RPS6KA2: variants seen among roughly 807,000 people sequenced by gnomAD.
RPS6KA2 encodes ribosomal protein S6 kinase alpha-2.
RPS6KA2 carries 42 observed loss-of-function variants against 91.8 expected under a neutral mutation model. The observed-to-expected ratio is 0.46, with a 90% CI of 0.36 to 0.59. The LOEUF is 0.59. Ranked by LOEUF, RPS6KA2 falls within the 20% of genes least tolerant of loss-of-function variation. The pLI, the probability that RPS6KA2 is intolerant of heterozygous loss-of-function variation, is 0.00. For missense variants in RPS6KA2, 798 were observed against 978.5 expected (o/e 0.82, Z 2.46); for synonymous variants, 414 against 393.6 (o/e 1.05, Z -0.61).
chr6:166,516,882 A>T (rs1297220039), intron 3 of RPS6KA2, among the ~76,000 whole-genome samples: 1 of 152,200 alleles, frequency 6.6e-6, no homozygotes. Flanking sequence ...CCATCTTGCC[A>T]TCTCCTTGCA....
intron 2 of RPS6KA2, among the ~76,000 whole-genome samples, chr6:166,664,566 T>C (rs1788262593): frequency 6.6e-6 from 1 of 152,222 alleles, no homozygotes; most frequent in South Asian, 2.1e-4. Context: ...TGTATTCTGC[T>C]TCTGTGTGTT....
chr6:166,758,671 G>A (rs778467810), intron 2 of RPS6KA2, among the ~76,000 whole-genome samples: 1 of 152,214 alleles, frequency 6.6e-6, no homozygotes, highest in South Asian at 2.1e-4. Context: ...CCTTCGAGGT[G>A]ACAGACAATA....
At chr6:166,698,956 C>T (rs549237527) in intron 2 of RPS6KA2, among the ~76,000 whole-genome samples, 2 of 152,060 alleles carry the variant, frequency 1.3e-5, no homozygotes, top group African/African-American at 4.8e-5. Flanking sequence ...GATGAGGAGG[C>T]GAGGAACGAA....
At chr6:166,430,702 G>C in intron 15 of RPS6KA2, 91 bp from the exon 16 acceptor site, 4 of 1,379,444 alleles carry the variant, frequency 2.9e-6, no homozygotes, top group Non-Finnish European at 3.9e-6. Flanking sequence ...GGAAGTCAGA[G>C]GGGAGAGGCT....
chr6:166,757,054 C>T (rs74788301), intron 2 of RPS6KA2, among the ~76,000 whole-genome samples: 3,453 of 152,096 alleles, frequency 0.023, 59 homozygotes, highest in Non-Finnish European at 0.035. Flanking sequence ...AAAAATCTTA[C>T]GCACATTTCA....
intron 1 of RPS6KA2, among the ~76,000 whole-genome samples, chr6:166,598,004 C>T (rs1785599658): frequency 6.6e-6 from 1 of 152,172 alleles, no homozygotes; most frequent in South Asian, 2.1e-4. Context: ...TACTCTGTTC[C>T]CATCTAAATG....
intron 2 of RPS6KA2, among the ~76,000 whole-genome samples, chr6:166,748,151 A>T (rs1386323055): frequency 6.6e-6 from 1 of 152,110 alleles, no homozygotes; most frequent in African/African-American, 2.4e-5. Context: ...ATGCGAAGAG[A>T]TTACTTCTGA....
intron 1 of RPS6KA2, among the ~76,000 whole-genome samples, chr6:166,541,891 A>C (rs1783668182): frequency 1.3e-5 from 2 of 152,146 alleles, no homozygotes; most frequent in Non-Finnish European, 2.9e-5. Context: ...CTTCCCTAAT[A>C]ATATTGCGAT....
At position 166,723,880 on chromosome 6, in the gene RPS6KA2, A is replaced by G. The variant is rs995233377; in HGVS notation, c.123+134320T>C. Among the ~76,000 whole-genome samples, 14 of 151,984 alleles carry G rather than the reference A, an allele frequency of 9.2e-5. No individual in the cohort carries two copies. The Middle Eastern group carries it at 0.01, about 111-fold the overall frequency. On this transcript the variant is annotated intron_variant, in intron 2 of 21. Coordinates refer to the RPS6KA2 transcript ENST00000503859. ...ACGCCCAGCTAATTTTTGTATTTTT[A>G]GTAGAGATGGGGTTTCTCCATGTTG...
At chr6:166,486,976 A>T (rs1432692516) in intron 10 of RPS6KA2, among the ~76,000 whole-genome samples, 1 of 152,226 alleles carries the variant, frequency 6.6e-6, no homozygotes, top group Non-Finnish European at 1.5e-5. Flanking sequence ...ACCGTCCTCC[A>T]GCCCCAGGCT....
At chr6:166,674,245 C>G (rs900600240) in intron 2 of RPS6KA2, among the ~76,000 whole-genome samples, 1 of 152,212 alleles carries the variant, frequency 6.6e-6, no homozygotes, top group Non-Finnish European at 1.5e-5. Context: ...TTTGTGGGAA[C>G]AGGAAACCTC....
intron 3 of RPS6KA2, among the ~76,000 whole-genome samples, chr6:166,518,886 A>T (rs1782751074): frequency 6.6e-6 from 1 of 152,236 alleles, no homozygotes; most frequent in South Asian, 2.1e-4. Flanking sequence ...ACTAGGGAAG[A>T]TGTTCAGGTC....
chr6:166,752,683 T>C (rs973765062), intron 2 of RPS6KA2, among the ~76,000 whole-genome samples: 2 of 152,204 alleles, frequency 1.3e-5, no homozygotes, highest in African/African-American at 4.8e-5. Context: ...ACAGAGTTAA[T>C]TGATTTCTCC....
chr6:166,547,131 T>G (rs1451363124), intron 1 of RPS6KA2, among the ~76,000 whole-genome samples: 1 of 152,118 alleles, frequency 6.6e-6, no homozygotes, highest in Non-Finnish European at 1.5e-5. Flanking sequence ...AAGGCTATAT[T>G]GATCAGACCG....
chr6:166,414,963 G>A (rs896680668), intron 19 of RPS6KA2, among the ~76,000 whole-genome samples: 8 of 152,236 alleles, frequency 5.3e-5, no homozygotes, highest in Non-Finnish European at 8.8e-5. Flanking sequence ...TACCTGGGGG[G>A]CTGAGGCAGG....
chr6:166,824,807 ATGTGTGTCTG>A (rs1211798054), intron 2 of RPS6KA2, among the ~76,000 whole-genome samples: 150 of 133,570 alleles, frequency 1.1e-3, no homozygotes, highest in East Asian at 2.4e-3. Flanking sequence ...CTGTGTGTCT[ATGTGTGTCTG>A]TGTGTGTCTG....
rs138412119 is a variant in RPS6KA2 at position 166,572,615 on chromosome 6, G to A, written c.100-33831C>T. Among the ~76,000 whole-genome samples the A allele has an allele frequency of 5.3e-5, 8 of 152,342 alleles. No individual in the cohort carries two copies. The East Asian group carries it at 9.7e-4, about 18-fold the overall frequency. ...GCCCTGTGGCAGAGCCCTAGTTATG[G>A]GCTTACAGCTCCTCCACGCTCCACT... On this transcript the variant is annotated intron_variant, in intron 1 of 20. Coordinates refer to ENST00000265678, the MANE Select transcript of RPS6KA2 (RefSeq NM_021135.6).
At chr6:166,546,472 A>G (rs993009070) in intron 1 of RPS6KA2, among the ~76,000 whole-genome samples, 4 of 143,068 alleles carry the variant, frequency 2.8e-5, no homozygotes, top group Non-Finnish European at 6.1e-5. Context: ...TGTCACCCTG[A>G]CTGGGAAAAC....
chr6:166,691,610 G>A lies in RPS6KA2; in HGVS notation c.124-152826C>T, dbSNP rs181197255. Among the ~76,000 whole-genome samples, 16 of 152,130 alleles carry A rather than the reference G, an allele frequency of 1.1e-4. 1 individual carries two copies. Among genetic ancestry groups the A allele is most frequent in the Admixed American group, 7.8e-4 (12 of 15,292 alleles). ...AGTCCAGGGAGCTCCGACCCTCTCCGTGATGTGTTCTTAACTTTACTCCAC... is the reference window on the plus strand; with the variant it reads ...AGTCCAGGGAGCTCCGACCCTCTCCATGATGTGTTCTTAACTTTACTCCAC... On this transcript the variant is annotated intron_variant, in intron 2 of 21. Coordinates refer to the RPS6KA2 transcript ENST00000503859.
Sources: gnomAD v4.1 joint callset for allele counts (sites outside exome capture counted in the v4.1 genomes callset) on GRCh38, gnomAD v4.1.1 for gene constraint, MANE v1.5 for transcripts, NCBI Gene and HGNC (gene_info 2026-07-23, HGNC 2026-07-21) for gene names.